The following SNX9 variants were observed in gnomAD, a reference collection of about 807,000 sequenced individuals.
The protein encoded by SNX9 is sorting nexin-9.
Under a neutral mutation model 89.4 loss-of-function variants are expected in SNX9, and 44 were observed. That is an observed-to-expected ratio of 0.49 (90% CI 0.39 to 0.63). The LOEUF (loss-of-function observed/expected upper bound fraction) is 0.63. Among genes scored for constraint, SNX9 ranks in the 30% least tolerant of loss-of-function variants. The pLI, the probability that SNX9 is intolerant of heterozygous loss-of-function variation, is 0.00. For missense variants in SNX9, 578 were observed against 736.1 expected (o/e 0.79, Z 2.49); for synonymous variants, 236 against 247.8 (o/e 0.95, Z 0.45).
At chr6:157,846,285 T>C (rs576671470) in intron 1 of SNX9, among the ~76,000 whole-genome samples, 1 of 152,388 alleles carries the variant, frequency 6.6e-6, no homozygotes, top group South Asian at 2.1e-4. Flanking sequence ...GGCAGTCTTA[T>C]TTTACCATAT....
intron 4 of SNX9, among the ~76,000 whole-genome samples, chr6:157,880,889 A>G (rs1782609290): frequency 6.6e-6 from 1 of 152,212 alleles, no homozygotes; most frequent in Non-Finnish European, 1.5e-5. Context: ...GTAAAACCTC[A>G]TGGGATTTTT....
At chr6:157,907,170 T>C (rs896504030) in intron 7 of SNX9, among the ~76,000 whole-genome samples, 3 of 152,258 alleles carry the variant, frequency 2.0e-5, no homozygotes, top group African/African-American at 7.2e-5. Context: ...GATTTTTTTT[T>C]CCTGTTTTCT....
At chr6:157,844,315 T>C (rs1445238996) in intron 1 of SNX9, among the ~76,000 whole-genome samples, 3 of 152,108 alleles carry the variant, frequency 2.0e-5, no homozygotes, top group African/African-American at 7.2e-5. Flanking sequence ...ATTTGGTGGG[T>C]GGGGGAAGCC....
chr6:157,890,766 T>C (rs532712712), intron 4 of SNX9, among the ~76,000 whole-genome samples: 2 of 152,326 alleles, frequency 1.3e-5, no homozygotes, highest in East Asian at 3.9e-4. Context: ...CGAGAGTGAT[T>C]GTATATGTCG....
In SNX9 at chr6:157,836,417, G is replaced by C. The variant is rs183057152; in HGVS notation, c.12+12971G>C. On this transcript the variant is annotated intron_variant, in intron 1 of 17. Transcript: ENST00000392185. ...GCAATGGTAATAAGCTTCCATCTGA[G>C]AGAGAAATTGAACTCTTGCTAAAGT... Among the ~76,000 whole-genome samples, 310 of 152,198 alleles carry C rather than the reference G, an allele frequency of 2.0e-3. 1 individual carries two copies. Among genetic ancestry groups the C allele is most frequent in the Non-Finnish European group, 3.7e-3 (253 of 68,014 alleles).
intron 17 of SNX9, 21 bp from the exon 18 acceptor site, chr6:157,942,770 T>C (rs1485971606): frequency 6.2e-6 from 10 of 1,613,650 alleles, no homozygotes; most frequent in African/African-American, 1.3e-5. Flanking sequence ...TCAACGTTGT[T>C]TTGTTTTGCT....
chr6:157,898,508 A>G (rs1783026428), intron 5 of SNX9, among the ~76,000 whole-genome samples: 1 of 152,142 alleles, frequency 6.6e-6, no homozygotes. Context: ...TTTGTTTTAA[A>G]ATCTTGAGCC....
chr6:157,905,756 A>G (rs780772122), intron 6 of SNX9, among the ~76,000 whole-genome samples: 8 of 152,210 alleles, frequency 5.3e-5, no homozygotes, highest in Admixed American at 1.3e-4. Context: ...GCATGTGGCT[A>G]TTGCCCCCTG....
chr6:157,841,637 T>C (rs1166490736), intron 1 of SNX9, among the ~76,000 whole-genome samples: 1 of 151,980 alleles, frequency 6.6e-6, no homozygotes, highest in African/African-American at 2.4e-5. Context: ...CAGGAGGAAG[T>C]TGTCTAAGGC....
At position 157,943,065 on chromosome 6, in the gene SNX9, TCTATTTTTGGAAAGTACTTAAAAGTTA is replaced by T; in HGVS notation, c.*229_*255del. 1 of 404,392 alleles carries T rather than the reference TCTATTTTTGGAAAGTACTTAAAAGTTA, an allele frequency of 2.5e-6. No individual in the cohort carries two copies. Among genetic ancestry groups the T allele is most frequent in the Non-Finnish European group, 4.3e-6 (1 of 230,942 alleles). 25.1% of individuals were successfully genotyped at this position (404,392 alleles called of 1,614,324 possible). The stretch of plus-strand genomic sequence containing the variant: ...ATTATTTAAACCAGTGGAAATTGTC[TCTATTTTTGGAAAGTACTTAAAAGTTA>T]CCAGAATTTTCAATGGAAAATGAGG... On this transcript the variant is annotated 3_prime_UTR_variant, in exon 18 of 18. Coordinates refer to ENST00000392185, the MANE Select transcript of SNX9 (RefSeq NM_016224.5).
intron 9 of SNX9, among the ~76,000 whole-genome samples, chr6:157,915,358 A>G (rs1783438719): frequency 1.3e-5 from 2 of 152,026 alleles, no homozygotes; most frequent in African/African-American, 4.8e-5. Flanking sequence ...AACCGCATTG[A>G]TTCTGTAGAT....
intron 4 of SNX9, among the ~76,000 whole-genome samples, chr6:157,888,988 T>C (rs968159117): frequency 1.7e-4 from 26 of 152,180 alleles, no homozygotes; most frequent in Middle Eastern, 3.4e-3. Flanking sequence ...GACATTGTCC[T>C]GTAAAAATTC....
intron 4 of SNX9, among the ~76,000 whole-genome samples, chr6:157,887,744 T>G (rs1034751140): frequency 6.6e-6 from 1 of 152,226 alleles, no homozygotes; most frequent in African/African-American, 2.4e-5. Context: ...CTTTGCGTAT[T>G]AACTGATTTT....
At chr6:157,874,896 C>A in intron 3 of SNX9, 155 bp from the exon 4 acceptor site, 1 of 643,500 alleles carries the variant, frequency 1.6e-6, no homozygotes, top group Non-Finnish European at 2.4e-6. Context: ...AAATACAACC[C>A]ATTAAAATAT....
At position 157,918,529 on chromosome 6, in the gene SNX9, G is replaced by A. The variant is rs527742161; in HGVS notation, c.950-3002G>A. On this transcript the variant is annotated intron_variant, in intron 9 of 17. Coordinates refer to ENST00000392185, the MANE Select transcript of SNX9 (RefSeq NM_016224.5). The stretch of plus-strand genomic sequence containing the variant: ...TGTTTCTCTTATAGGCAAGATAGTT[G>A]GATCTTACTTTTTTATCAAGTCTGA... Among the ~76,000 whole-genome samples the A allele has an allele frequency of 4.6e-5, 7 of 152,208 alleles. No homozygotes were observed. The South Asian group carries it at 1.5e-3, about 32-fold the overall frequency.
At chr6:157,937,793 T>C (rs913138917) in intron 15 of SNX9, among the ~76,000 whole-genome samples, 2 of 152,232 alleles carry the variant, frequency 1.3e-5, no homozygotes. Context: ...TAGTCTATCG[T>C]ATATTATGAT....
At chr6:157,828,739 T>C (rs1467627356) in intron 1 of SNX9, among the ~76,000 whole-genome samples, 1 of 152,126 alleles carries the variant, frequency 6.6e-6, no homozygotes, top group Non-Finnish European at 1.5e-5. Context: ...CCCCGCAAAG[T>C]ATTGGGATTA....
At chr6:157,939,167 T>C (rs956202745) in intron 16 of SNX9, among the ~76,000 whole-genome samples, 4 of 151,952 alleles carry the variant, frequency 2.6e-5, no homozygotes, top group African/African-American at 9.7e-5. Context: ...TGAATTTCTA[T>C]AGGTTTGAGT....
chr6:157,897,833 A>G (rs945019869), intron 5 of SNX9, among the ~76,000 whole-genome samples: 2 of 152,036 alleles, frequency 1.3e-5, no homozygotes, highest in African/African-American at 2.4e-5. Context: ...TTGATTATTA[A>G]CTCAACCTCT....
Sources: gnomAD v4.1 joint callset for allele counts (sites outside exome capture counted in the v4.1 genomes callset) on GRCh38, gnomAD v4.1.1 for gene constraint, MANE v1.5 for transcripts, NCBI Gene and HGNC (gene_info 2026-07-23, HGNC 2026-07-21) for gene names.